Variants in NFIA observed in about 807,000 individuals in gnomAD.
The protein encoded by NFIA is nuclear factor I A.
A neutral mutation model predicts 62.8 loss-of-function variants in NFIA; 8 were observed. The ratio of observed to expected loss-of-function variants is 0.13; its 90% CI spans 0.07 to 0.23. NFIA has a LOEUF of 0.23. Among genes scored for constraint, NFIA ranks in the 10% least tolerant of loss-of-function variants. NFIA has a pLI of 1.00. For missense variants in NFIA, 410 were observed against 642.1 expected, an observed-to-expected ratio of 0.64 and a Z score of 3.91; for synonymous variants, 235 against 238.1, an observed-to-expected ratio of 0.99 and a Z score of 0.12.
intron 3 of NFIA, among the ~76,000 whole-genome samples, chr1:61,307,303 G>A (rs545747731): frequency 6.6e-6 from 1 of 152,172 alleles, no homozygotes; most frequent in Non-Finnish European, 1.5e-5. Context: ...AACACAGAGA[G>A]CTAGCTAGCC....
At chr1:61,124,637 G>GT (rs1183659354) in intron 2 of NFIA, 3 of 152,148 alleles carry the variant, frequency 2.0e-5, no homozygotes, top group African/African-American at 7.2e-5. Flanking sequence ...TAGCTGAAAA[G>GT]TGTTTATTGT....
At chr1:61,325,104 T>C in intron 3 of NFIA, among the ~76,000 whole-genome samples, 1 of 152,236 alleles carries the variant, frequency 6.6e-6, no homozygotes, top group East Asian at 1.9e-4. Flanking sequence ...ACATACTTAA[T>C]GAAAGCACAT....
intron 2 of NFIA, among the ~76,000 whole-genome samples, chr1:61,184,073 GA>G (rs1392854615): frequency 8.0e-6 from 1 of 124,730 alleles, no homozygotes; most frequent in African/African-American, 3.2e-5. Flanking sequence ...CAAGTTGTGA[GA>G]AATCTGTTTC....
chr1:61,390,751 C>G (rs1312440957), intron 7 of NFIA, among the ~76,000 whole-genome samples: 1 of 152,120 alleles, frequency 6.6e-6, no homozygotes, highest in Non-Finnish European at 1.5e-5. Context: ...AGGAGGGTGA[C>G]AGTCATCACT....
intron 9 of NFIA, among the ~76,000 whole-genome samples, chr1:61,423,262 A>T (rs1195142344): frequency 3.3e-5 from 5 of 151,238 alleles, no homozygotes; most frequent in Non-Finnish European, 7.4e-5. Flanking sequence ...AAAAGCAAAC[A>T]CTTTCTGTTT....
intron 2 of NFIA, among the ~76,000 whole-genome samples, chr1:61,137,267 T>C (rs1470973294): frequency 6.6e-6 from 1 of 152,172 alleles, no homozygotes; most frequent in Non-Finnish European, 1.5e-5. Flanking sequence ...CCTTACCATC[T>C]CATTTAATAT....
chr1:61,455,564 G>A lies in NFIA; in HGVS notation c.*244G>A. 1.8e-6 allele frequency: 1 copy of A among 567,092 alleles called. No homozygotes were observed. The highest frequency in any genetic ancestry group is 3.0e-6 in the Non-Finnish European group (1 of 329,250). The allele number at this position is 567,092 out of a possible 1,614,324, so 35.1% of individuals were successfully genotyped here. A position where few individuals can be genotyped will look rare whatever the true frequency, so the allele number is the denominator to read the frequency against. On this transcript the variant is annotated 3_prime_UTR_variant, in exon 11 of 11. Transcript: ENST00000403491. ...GGACTGTTGTAATTTCTCATATGGT[G>A]CTGGAAATGGTTGGGCTTTGTAACA...
intron 2 of NFIA, among the ~76,000 whole-genome samples, chr1:61,189,922 TCA>T (rs1651500625): frequency 6.6e-6 from 1 of 152,200 alleles, no homozygotes; most frequent in African/African-American, 2.4e-5. Context: ...GAACTTTAGT[TCA>T]CATTTACAGT....
chr1:61,270,182 T>C (rs1014434405), intron 2 of NFIA, among the ~76,000 whole-genome samples: 12 of 152,350 alleles, frequency 7.9e-5, no homozygotes, highest in Admixed American at 7.8e-4. Context: ...GAGGTAAATG[T>C]ACATTTTGGG....
intron 9 of NFIA, 124 bp downstream of exon 9, chr1:61,406,851 G>A: frequency 8.6e-7 from 1 of 1,164,224 alleles, no homozygotes; most frequent in Admixed American, 3.5e-5. Flanking sequence ...TGATGTTGTA[G>A]CATGAGTTTG....
chr1:61,328,366 C>T (rs1334408471), intron 3 of NFIA, among the ~76,000 whole-genome samples: 1 of 151,926 alleles, frequency 6.6e-6, no homozygotes, highest in East Asian at 1.9e-4. Context: ...AAGACCTGCC[C>T]TGGCCACCCT....
At chr1:61,212,092 AG>A (rs1653301977) in intron 2 of NFIA, among the ~76,000 whole-genome samples, 1 of 152,158 alleles carries the variant, frequency 6.6e-6, no homozygotes, top group Admixed American at 6.5e-5. Context: ...TGCAGCAGAA[AG>A]GGGTTGTTTG....
chr1:61,391,596 A>G (rs963830283), intron 7 of NFIA, among the ~76,000 whole-genome samples: 84 of 152,138 alleles, frequency 5.5e-4, no homozygotes, highest in Admixed American at 1.5e-3. Context: ...ACCTTAAGAG[A>G]AATGAGCTCA....
chr1:61,370,888 G>T (rs1198063577), intron 6 of NFIA, among the ~76,000 whole-genome samples: 1 of 152,054 alleles, frequency 6.6e-6, no homozygotes, highest in East Asian at 1.9e-4. Flanking sequence ...TTTCATTTGC[G>T]TAGCTGGAAG....
intron 2 of NFIA, among the ~76,000 whole-genome samples, chr1:61,094,386 G>A (rs1279545686): frequency 6.6e-6 from 1 of 152,172 alleles, no homozygotes; most frequent in Non-Finnish European, 1.5e-5. Context: ...TGGGCAGTGA[G>A]CTATCAAGTG....
At position 61,421,977 on chromosome 1, in the gene NFIA, A is replaced by G. The variant is rs72915738; in HGVS notation, c.1421-4488A>G. Among the ~76,000 whole-genome samples, 1,441 of 152,264 alleles carry G rather than the reference A, an allele frequency of 9.5e-3. 16 individuals carry two copies. The highest frequency in any genetic ancestry group is 0.033 in the African/African-American group (1,356 of 41,548). On this transcript the variant is annotated intron_variant, in intron 9 of 10. Transcript: ENST00000403491. Reference sequence around the variant, plus strand: ...TTATTTTTATCTTAAAGAAACATCAACTGGCTGAGTGTGGTGGCTCACGCC... The same window carrying G: ...TTATTTTTATCTTAAAGAAACATCAGCTGGCTGAGTGTGGTGGCTCACGCC...
intron 2 of NFIA, among the ~76,000 whole-genome samples, chr1:61,214,240 A>G (rs1653460397): frequency 1.3e-5 from 2 of 152,104 alleles, no homozygotes; most frequent in Non-Finnish European, 2.9e-5. Context: ...TTTGTTCCGC[A>G]AAGGGTTTAT....
intron 3 of NFIA, among the ~76,000 whole-genome samples, chr1:61,294,573 T>TA (rs1383626640): frequency 6.6e-6 from 1 of 152,272 alleles, no homozygotes; most frequent in Non-Finnish European, 1.5e-5. Flanking sequence ...GTTTTCATAT[T>TA]ACATTTATGT....
intron 6 of NFIA, among the ~76,000 whole-genome samples, chr1:61,381,951 C>G (rs910303014): frequency 6.6e-6 from 1 of 152,158 alleles, no homozygotes; most frequent in African/African-American, 2.4e-5. Context: ...ACATGGTACT[C>G]CATAACAGTT....
Sources: gnomAD v4.1 joint callset for allele counts (sites outside exome capture counted in the v4.1 genomes callset) on GRCh38, gnomAD v4.1.1 for gene constraint, MANE v1.5 for transcripts, NCBI Gene and HGNC (gene_info 2026-07-23, HGNC 2026-07-21) for gene names.